Variants in CDK17 observed in about 807,000 individuals in gnomAD.
CDK17 encodes the protein cyclin dependent kinase 17.
Under a neutral mutation model 77.6 loss-of-function variants are expected in CDK17, and 24 were observed. That is an observed-to-expected ratio of 0.31 (90% confidence interval 0.22 to 0.44). CDK17 has a LOEUF of 0.44. Among genes scored for constraint, CDK17 ranks in the 20% least tolerant of loss-of-function variants. The pLI, the probability that CDK17 is intolerant of heterozygous loss-of-function variation, is 1.00. For synonymous variants in CDK17, 203 were observed against 210.4 expected (o/e 0.96, Z 0.30); for missense variants, 429 against 622.5 (o/e 0.69, Z 3.31).
At chr12:96,395,854 T>C (rs763914455) in intron 1 of CDK17, among the ~76,000 whole-genome samples, 1 of 152,100 alleles carries the variant, frequency 6.6e-6, no homozygotes, top group African/African-American at 2.4e-5. Context: ...GACTTAAGAG[T>C]GCCCAGGGAG....
In CDK17 at chr12:96,279,512, G is replaced by A. The variant is rs1259211096; in HGVS notation, c.*730C>T. On this transcript the variant is annotated 3_prime_UTR_variant, in exon 17 of 17. Transcript: ENST00000261211. The stretch of plus-strand genomic sequence containing the variant: ...AAATATCCAGTAATATGCAGTAGAC[G>A]TTTCTAAAGTGAGGAACACATAAAA... 1 of 152,176 alleles carries A rather than the reference G, an allele frequency of 6.6e-6. No individual in the cohort carries two copies. Among genetic ancestry groups the A allele is most frequent in the Non-Finnish European group, 1.5e-5 (1 of 68,006 alleles). The allele number at this position is 152,176 out of a possible 1,614,324, so 9.4% of individuals were successfully genotyped here.
intron 3 of CDK17, among the ~76,000 whole-genome samples, chr12:96,323,434 C>T (rs1475782936): frequency 6.6e-6 from 1 of 151,882 alleles, no homozygotes; most frequent in Non-Finnish European, 1.5e-5. Flanking sequence ...CCCCTCCAGC[C>T]TGGGTGACAG....
chr12:96,350,800 A>C (rs1009150792), intron 1 of CDK17, among the ~76,000 whole-genome samples: 1 of 152,196 alleles, frequency 6.6e-6, no homozygotes, highest in Non-Finnish European at 1.5e-5. Flanking sequence ...TGGATTTCAC[A>C]ATGATTTCTT....
chr12:96,366,987 A>C (rs1426150399), intron 1 of CDK17, among the ~76,000 whole-genome samples: 2 of 152,010 alleles, frequency 1.3e-5, no homozygotes, highest in Non-Finnish European at 2.9e-5. Flanking sequence ...TTTCACTGTA[A>C]CTCAGTATGT....
intron 1 of CDK17, among the ~76,000 whole-genome samples, chr12:96,377,957 T>C (rs1295106650): frequency 4.6e-5 from 7 of 152,204 alleles, no homozygotes; most frequent in African/African-American, 1.7e-4. Flanking sequence ...CCTCCCAAAG[T>C]GCTGGGATTA....
chr12:96,298,800 T>C (rs1952452403), intron 7 of CDK17, 69 bp downstream of exon 7: 2 of 857,446 alleles, frequency 2.3e-6, no homozygotes, highest in Middle Eastern at 4.8e-4. Context: ...TCTGAGCTCT[T>C]TTTACTTATA....
At chr12:96,299,012 C>CA (rs1308362442) in intron 6 of CDK17, 29 bp from the exon 7 acceptor site, 3 of 1,098,758 alleles carry the variant, frequency 2.7e-6, no homozygotes, top group African/African-American at 1.6e-5. Flanking sequence ...AAGGACGCAT[C>CA]AAAAGTATCA....
chr12:96,344,881 T>C (rs946755927), intron 1 of CDK17, among the ~76,000 whole-genome samples: 2 of 152,198 alleles, frequency 1.3e-5, no homozygotes, highest in African/African-American at 2.4e-5. Flanking sequence ...GCTTGTTACA[T>C]AGGTAAACAT....
At chr12:96,301,315 T>C (rs140758355) in intron 5 of CDK17, among the ~76,000 whole-genome samples, 212 of 150,806 alleles carry the variant, frequency 1.4e-3, no homozygotes, top group African/African-American at 5.0e-3. Context: ...CTTAAAAGCC[T>C]TGCTTTTAAA....
intron 1 of CDK17, among the ~76,000 whole-genome samples, chr12:96,362,476 C>A (rs1486042974): frequency 6.6e-6 from 1 of 152,136 alleles, no homozygotes. Flanking sequence ...GCCTCAGCCT[C>A]CCAAAAAGCT....
chr12:96,333,548 C>A (rs1565823845), intron 2 of CDK17, among the ~76,000 whole-genome samples: 1 of 152,058 alleles, frequency 6.6e-6, no homozygotes, highest in African/African-American at 2.4e-5. Context: ...GTGGCCCATG[C>A]CTGTAATCCC....
Position 96,324,130 on chromosome 12 carries a change from C to T in CDK17, c.119-18G>A, listed in dbSNP as rs1470275624. The T allele has an allele frequency of 1.5e-5, 23 of 1,574,806 alleles. No homozygotes were observed. The highest frequency in any genetic ancestry group is 2.3e-5 in the East Asian group (1 of 44,330). On this transcript the variant is annotated intron_variant, in intron 2 of 16. Coordinates refer to ENST00000261211, the MANE Select transcript of CDK17 (RefSeq NM_002595.5). ...AATAGGCTCTGTGGTTCATAGAATT[C>T]GAAAATCATTCCATCATCAGTCCAA... is the stretch of plus-strand genomic sequence containing the variant.
rs564907609 is a variant in CDK17 at position 96,283,454 on chromosome 12, T to G, written c.1365+149A>C. ...CACATTAGGAGAAACCATGTTTTTT[T>G]TTTTTTTTTTAACTTAAACATGTGC... On this transcript the variant is annotated intron_variant, in intron 14 of 16. Transcript: ENST00000261211. 1.8e-4 allele frequency: 118 copies of G among 666,674 alleles called. 1 individual carries two copies. The highest frequency in any genetic ancestry group is 1.0e-3 in the Middle Eastern group (3 of 2,888). 41.3% of individuals were successfully genotyped at this position (666,674 alleles called of 1,614,324 possible). A position where few individuals can be genotyped will look rare whatever the true frequency, so the allele number is the denominator to read the frequency against.
intron 9 of CDK17, chr12:96,295,434 A>C (rs1952389741): frequency 1.2e-5 from 2 of 167,338 alleles, no homozygotes. Context: ...AAAAAAAAAA[A>C]CATATCCTCA....
intron 4 of CDK17, among the ~76,000 whole-genome samples, chr12:96,312,823 T>C (rs548255449): frequency 1.8e-4 from 27 of 152,264 alleles, no homozygotes; most frequent in Admixed American, 7.2e-4. Flanking sequence ...CAGAGATCAG[T>C]AGGTACAGTG....
intron 1 of CDK17, among the ~76,000 whole-genome samples, chr12:96,351,141 T>C (rs1169791302): frequency 6.6e-6 from 1 of 152,106 alleles, no homozygotes; most frequent in Admixed American, 6.5e-5. Context: ...AGATACCACC[T>C]CATACCCACT....
chr12:96,364,636 T>C (rs530082243), intron 1 of CDK17, among the ~76,000 whole-genome samples: 4 of 152,180 alleles, frequency 2.6e-5, no homozygotes, highest in African/African-American at 7.2e-5. Context: ...GCTTTAAATA[T>C]ATCCTCCTTA....
chr12:96,364,626 G>A (rs930731404), intron 1 of CDK17, among the ~76,000 whole-genome samples: 1 of 152,018 alleles, frequency 6.6e-6, no homozygotes, highest in Non-Finnish European at 1.5e-5. Flanking sequence ...TCTCCTTTGT[G>A]CTTTAAATAT....
At chr12:96,315,624 T>C (rs1952701832) in intron 3 of CDK17, among the ~76,000 whole-genome samples, 2 of 152,200 alleles carry the variant, frequency 1.3e-5, no homozygotes, top group South Asian at 2.1e-4. Context: ...AAAATCTCCC[T>C]TTCCTCAAGA....
Sources: allele counts gnomAD v4.1 joint callset (sites outside exome capture counted in the v4.1 genomes callset), GRCh38; gene constraint gnomAD v4.1.1; transcripts MANE v1.5; gene names NCBI Gene and HGNC (gene_info 2026-07-23, HGNC 2026-07-21).